Variants in ABCC3 observed in about 807,000 individuals in gnomAD.
The protein encoded by ABCC3 is ATP-binding cassette sub-family C member 3.
ABCC3 carries 121 observed loss-of-function variants against 165.3 expected under a neutral mutation model. That is an observed-to-expected ratio of 0.73 (90% confidence interval 0.63 to 0.85). The LOEUF is 0.85. Ranked by LOEUF, ABCC3 falls within the 40% of genes least tolerant of loss-of-function variation. The pLI is 0.00. For missense variants in ABCC3, 1,869 were observed against 1,964.1 expected (o/e 0.95, Z 0.92); for synonymous variants, 733 against 810.1 (o/e 0.90, Z 1.62).
chr17:50,677,212 G>A (rs1328783350), intron 23 of ABCC3, among the ~76,000 whole-genome samples: 3 of 152,232 alleles, frequency 2.0e-5, no homozygotes, highest in Non-Finnish European at 4.4e-5. Flanking sequence ...ATAAAACATT[G>A]TCAACAGTTT....
In ABCC3 at chr17:50,675,698, C is replaced by G; in HGVS notation, c.2782C>G (p.Pro928Ala). 1 of 1,570,666 alleles carries G rather than the reference C, an allele frequency of 6.4e-7. No homozygotes were observed. Among genetic ancestry groups the G allele is most frequent in the Non-Finnish European group, 8.6e-7 (1 of 1,157,816 alleles). Reference protein sequence around the residue: ...GRPVPRRHLGPSEKVQVTEAK... With the variant: ...GRPVPRRHLGASEKVQVTEAK... ...GCCTGTACCCCGGAGGCACCTGGGT[C>G]CATCAGAGAAGGTGCAGGTGACAGA... The change falls in exon 21 of 31, where the codon CCA becomes GCA. Residue 928 changes from proline to alanine, a missense_variant. Coordinates refer to ENST00000285238, the MANE Select transcript of ABCC3 (RefSeq NM_003786.4).
intron 10 of ABCC3, 62 bp downstream of exon 10, chr17:50,664,173 G>A: frequency 6.3e-7 from 1 of 1,590,936 alleles, no homozygotes; most frequent in Non-Finnish European, 8.6e-7. Flanking sequence ...TGGCAAGAGA[G>A]GATTATTCTG....
intron 2 of ABCC3, 66 bp from the exon 3 acceptor site, chr17:50,656,636 C>A: frequency 6.5e-7 from 1 of 1,543,428 alleles, no homozygotes; most frequent in South Asian, 1.3e-5. Flanking sequence ...GGTACAAAGA[C>A]CCCTTCCCAG....
intron 24 of ABCC3, 70 bp downstream of exon 24, chr17:50,678,013 C>T (rs780390431): frequency 1.7e-4 from 268 of 1,613,848 alleles, no homozygotes; most frequent in Non-Finnish European, 2.0e-4. Flanking sequence ...GTTCAGGGTC[C>T]TTGTCCCTCC....
chr17:50,646,865 G>A (rs1489517576), intron 1 of ABCC3, among the ~76,000 whole-genome samples: 1 of 152,188 alleles, frequency 6.6e-6, no homozygotes, highest in Non-Finnish European at 1.5e-5. Context: ...CACAGCTTAA[G>A]TGTGACTTCT....
intron 1 of ABCC3, 180 bp downstream of exon 1, chr17:50,635,161 C>A: frequency 3.2e-6 from 2 of 627,208 alleles, no homozygotes; most frequent in Middle Eastern, 4.6e-4. Context: ...CCGCCCGGAG[C>A]CGGGTCCCAC....
chr17:50,675,619 C>A lies in ABCC3; in HGVS notation c.2715-12C>A. On this transcript the variant is annotated splice_polypyrimidine_tract_variant and intron_variant, in intron 20 of 30. Coordinates refer to ENST00000285238, the MANE Select transcript of ABCC3 (RefSeq NM_003786.4). Reference sequence around the variant, plus strand: ...AGGCCCCCTCCCTGGGCCTGACCAGCTGCCTCCACAGACAGCTGAGTGCCC... The same window carrying A: ...AGGCCCCCTCCCTGGGCCTGACCAGATGCCTCCACAGACAGCTGAGTGCCC... 1 of 1,562,614 alleles carries A rather than the reference C, an allele frequency of 6.4e-7. No homozygotes were observed. The highest frequency in any genetic ancestry group is 1.4e-5 in the African/African-American group (1 of 73,968).
intron 30 of ABCC3, among the ~76,000 whole-genome samples, chr17:50,690,614 G>A (rs893637600): frequency 1.3e-5 from 2 of 151,968 alleles, no homozygotes; most frequent in Non-Finnish European, 2.9e-5. Context: ...GAGACCCACC[G>A]AGCAGCAGCA....
Position 50,659,304 on chromosome 17 carries a change from A to G in ABCC3, c.742A>G (p.Arg248Gly), listed in dbSNP as rs774536672. The change falls in exon 7 of 31, where the codon AGA (arginine) becomes GGA (glycine). Residue 248 changes from arginine to glycine, a missense_variant. By Grantham distance (125) the Arg-to-Gly change is moderately radical (BLOSUM62 -2). Transcript: ENST00000285238. Reference protein sequence around the residue: ...KDLWSLKEEDRSQMVVQQLLE... With the variant: ...KDLWSLKEEDGSQMVVQQLLE... ...CCTCTGGTCCCTAAAGGAAGAGGAC[A>G]GATCCCAGATGGTGGTGCAGCAGCT... 3.7e-6 allele frequency: 6 copies of G among 1,613,694 alleles called. No individual in the cohort carries two copies. The South Asian group carries it at 6.6e-5, about 18-fold the overall frequency.
chr17:50,661,614 A>G (rs1967390281), intron 8 of ABCC3, among the ~76,000 whole-genome samples: 1 of 152,252 alleles, frequency 6.6e-6, no homozygotes, highest in Non-Finnish European at 1.5e-5. Flanking sequence ...GCTGCCTAGT[A>G]GCTAAGTCCC....
rs1567841174 is a variant in ABCC3 at position 50,691,297 on chromosome 17, T to TG, written c.*102dup. ...GCAGAATGGACTTGATAGCAAACAC[T>TG]GGGGGCACCTTAAGATTTTGCACCT... On this transcript the variant is annotated 3_prime_UTR_variant, in exon 31 of 31. Coordinates refer to ENST00000285238, the MANE Select transcript of ABCC3 (RefSeq NM_003786.4). The TG allele has an allele frequency of 1.1e-6, 1 of 933,916 alleles. No individual in the cohort carries two copies. The allele number at this position is 933,916 out of a possible 1,614,324, so 57.9% of individuals were successfully genotyped here.
chr17:50,691,448 TC>T lies in ABCC3; in HGVS notation c.*251del. 1 of 427,896 alleles carries T rather than the reference TC, an allele frequency of 2.3e-6. No homozygotes were observed. The highest frequency in any genetic ancestry group is 3.0e-5 in the South Asian group (1 of 33,802). The allele number at this position is 427,896 out of a possible 1,614,324, so 26.5% of individuals were successfully genotyped here. On this transcript the variant is annotated 3_prime_UTR_variant, in exon 31 of 31. Coordinates refer to ENST00000285238, the MANE Select transcript of ABCC3 (RefSeq NM_003786.4). ...TTAGACTAGTCCCCGGTCTCCCGAT[TC>T]CCAACTGAGTGTTATTTGCACACTG...
chr17:50,650,486 A>G (rs937397546), intron 1 of ABCC3, among the ~76,000 whole-genome samples: 2 of 152,172 alleles, frequency 1.3e-5, no homozygotes, highest in Non-Finnish European at 2.9e-5. Context: ...AATTTCTTTC[A>G]CAAGATTCAT....
rs57837230 is a variant in ABCC3 at position 50,651,066 on chromosome 17, G to GAA, written c.46-4748_46-4747dup. 6.7e-3 allele frequency among the ~76,000 whole-genome samples: 565 copies of GAA among 84,260 alleles called. 13 individuals carry two copies. Among genetic ancestry groups the GAA allele is most frequent in the African/African-American group, 0.026 (513 of 20,106 alleles). The allele number at this position is 84,260 out of a possible 152,430, so 55.3% of individuals were successfully genotyped here. A position where few individuals can be genotyped will look rare whatever the true frequency, so the allele number is the denominator to read the frequency against. ...GGTGACAGCGCGAGACTCCATCTCAGAAAAAAAAAAAAAAAAAAAGAATTC... is the reference window on the plus strand; with the variant it reads ...GGTGACAGCGCGAGACTCCATCTCAGAAAAAAAAAAAAAAAAAAAAAGAATTC... On this transcript the variant is annotated intron_variant, in intron 1 of 30. Transcript: ENST00000285238.
At chr17:50,658,533 G>A in intron 6 of ABCC3, 37 bp downstream of exon 6, 1 of 1,596,042 alleles carries the variant, frequency 6.3e-7, no homozygotes, top group African/African-American at 1.3e-5. Context: ...CCAGAGGGAG[G>A]GGAGGGATGG....
Position 50,682,192 on chromosome 17 carries a change from G to A in ABCC3, c.3808-1418G>A, listed in dbSNP as rs79484792. Among the ~76,000 whole-genome samples, 181 of 151,918 alleles carry A rather than the reference G, an allele frequency of 1.2e-3. 1 individual carries two copies. Among genetic ancestry groups the A allele is most frequent in the African/African-American group, 4.0e-3 (165 of 41,420 alleles). On this transcript the variant is annotated intron_variant, in intron 26 of 30. Coordinates refer to ENST00000285238, the MANE Select transcript of ABCC3 (RefSeq NM_003786.4). ...TGCGCGTTTAGAGTAATGCTCTGCC[G>A]TCAGTGCCTTGACATTCTCCATCAT... is the stretch of plus-strand genomic sequence containing the variant.
intron 1 of ABCC3, among the ~76,000 whole-genome samples, chr17:50,641,985 T>C (rs1448692180): frequency 4.7e-5 from 7 of 148,822 alleles, no homozygotes; most frequent in African/African-American, 1.5e-4. Context: ...AGGTCAAGAT[T>C]ACAGTGGGGA....
At chr17:50,678,036 A>C in intron 24 of ABCC3, 57 bp from the exon 25 acceptor site, 1 of 1,613,924 alleles carries the variant, frequency 6.2e-7, no homozygotes, top group Non-Finnish European at 8.5e-7. Context: ...TCCCCTAAGC[A>C]GAAAACTGGC....
intron 1 of ABCC3, among the ~76,000 whole-genome samples, chr17:50,638,112 C>G (rs1229274141): frequency 3.3e-5 from 5 of 152,258 alleles, no homozygotes; most frequent in Middle Eastern, 3.4e-3. Flanking sequence ...AAATAAATTC[C>G]AAAAGAGTGA....
Sources: gnomAD v4.1 joint callset for allele counts (sites outside exome capture counted in the v4.1 genomes callset) on GRCh38, gnomAD v4.1.1 for gene constraint, MANE v1.5 for transcripts, NCBI Gene and HGNC (gene_info 2026-07-23, HGNC 2026-07-21) for gene names.